HS2ST1: variants seen among roughly 807,000 people sequenced by gnomAD.
HS2ST1 encodes 2-O-sulfotransferase.
A neutral mutation model predicts 42.9 loss-of-function variants in HS2ST1; 18 were observed. That is an observed-to-expected ratio of 0.42 (90% CI 0.29 to 0.62). The LOEUF (loss-of-function observed/expected upper bound fraction) is 0.62, where lower values mean the gene tolerates loss of function less well. Among genes scored for constraint, HS2ST1 ranks in the 20% least tolerant of loss-of-function variants. The pLI, the probability that HS2ST1 is intolerant of heterozygous loss-of-function variation, is 0.21. For missense variants in HS2ST1, 334 were observed against 433.8 expected (o/e 0.77, Z 2.04); for synonymous variants, 146 against 152.9 (o/e 0.95, Z 0.33).
At position 87,064,863 on chromosome 1, in the gene HS2ST1, G is replaced by A. The variant is rs558268050; in HGVS notation, c.125-8071G>A. 1.5e-4 allele frequency among the ~76,000 whole-genome samples: 23 copies of A among 152,222 alleles called. No individual in the cohort carries two copies. In the East Asian group the frequency reaches 1.7e-3, roughly 12 times the overall value. On this transcript the variant is annotated intron_variant, in intron 1 of 6. Coordinates refer to ENST00000370550, the MANE Select transcript of HS2ST1 (RefSeq NM_012262.4). ...TTTTTAGTAGAGACAAGGTGTTGCC[G>A]TGTTGCTCAGGCTGGTCTTGAACTC...
chr1:86,964,192 G>A (rs1447470439), intron 1 of HS2ST1, among the ~76,000 whole-genome samples: 3 of 151,456 alleles, frequency 2.0e-5, no homozygotes, highest in East Asian at 2.0e-4. Context: ...CTTCCCAGAC[G>A]ATGGGCGGCC....
intron 1 of HS2ST1, among the ~76,000 whole-genome samples, chr1:87,037,869 A>G (rs888785647): frequency 6.6e-6 from 1 of 151,988 alleles, no homozygotes; most frequent in African/African-American, 2.4e-5. Context: ...GCATATATCT[A>G]TAATATATCT....
At chr1:87,006,755 T>A (rs535620618) in intron 1 of HS2ST1, among the ~76,000 whole-genome samples, 4 of 152,238 alleles carry the variant, frequency 2.6e-5, no homozygotes, top group Non-Finnish European at 5.9e-5. Flanking sequence ...AATATAAACA[T>A]GCTATGATTA....
chr1:86,984,820 C>T (rs542326774), intron 1 of HS2ST1, among the ~76,000 whole-genome samples: 25 of 148,444 alleles, frequency 1.7e-4, no homozygotes, highest in South Asian at 4.3e-4. Flanking sequence ...GAGGCTGAGG[C>T]GGGAGAACCT....
Position 87,107,484 on chromosome 1 carries a change from CAAT to C in HS2ST1, c.*2792_*2794del, listed in dbSNP as rs529033727. 183 of 151,836 alleles carry C rather than the reference CAAT, an allele frequency of 1.2e-3. 1 individual carries two copies. The highest frequency in any genetic ancestry group is 4.1e-3 in the African/African-American group (172 of 41,468). 9.4% of individuals were successfully genotyped at this position (151,836 alleles called of 1,614,324 possible). A position where few individuals can be genotyped will look rare whatever the true frequency, so the allele number is the denominator to read the frequency against. ...AATTAAATAAATAGAACCACTGAGA[CAAT>C]AATGTATTTTTTTAAAGTGGCAAAT... On this transcript the variant is annotated 3_prime_UTR_variant, in exon 7 of 7. Transcript: ENST00000370550.
intron 1 of HS2ST1, among the ~76,000 whole-genome samples, chr1:87,016,161 G>A: frequency 6.6e-6 from 1 of 152,130 alleles, no homozygotes; most frequent in Non-Finnish European, 1.5e-5. Context: ...GTGTTGTTGT[G>A]TGTTTGCTTG....
chr1:86,992,101 G>T (rs968704372), intron 1 of HS2ST1, among the ~76,000 whole-genome samples: 2 of 151,840 alleles, frequency 1.3e-5, no homozygotes, highest in African/African-American at 4.8e-5. Context: ...AGGGATCTAG[G>T]TTCCACTCTT....
intron 1 of HS2ST1, among the ~76,000 whole-genome samples, chr1:86,974,601 G>T (rs1648339032): frequency 6.6e-6 from 1 of 152,174 alleles, no homozygotes. Context: ...CTTGGAACTG[G>T]CATCTGAAGT....
At chr1:87,024,675 A>G (rs368287442) in intron 1 of HS2ST1, among the ~76,000 whole-genome samples, 8 of 152,168 alleles carry the variant, frequency 5.3e-5, no homozygotes, top group African/African-American at 1.9e-4. Flanking sequence ...GGATTGAGAA[A>G]AGGTAAAGTA....
Position 86,960,963 on chromosome 1 carries a change from CCGATACATGT to C in HS2ST1, c.124+45804_124+45813del, listed in dbSNP as rs566252089. Among the ~76,000 whole-genome samples the C allele has an allele frequency of 1.9e-3, 290 of 152,206 alleles. 11 individuals carry two copies. In the South Asian group the frequency reaches 0.045, roughly 24 times the overall value. On this transcript the variant is annotated intron_variant, in intron 1 of 6. Coordinates refer to ENST00000370550, the MANE Select transcript of HS2ST1 (RefSeq NM_012262.4). ...AACTTTAAGTCCACATAAAAATCTG[CCGATACATGT>C]TTGTAGCAACTTTATTTGTAATTGC... is the stretch of plus-strand genomic sequence containing the variant.
At chr1:87,016,099 G>A (rs1437491904) in intron 1 of HS2ST1, among the ~76,000 whole-genome samples, 5 of 152,212 alleles carry the variant, frequency 3.3e-5, no homozygotes, top group African/African-American at 1.2e-4. Flanking sequence ...ACAGGTGTGA[G>A]CCGCTGTGCC....
chr1:87,068,784 A>G (rs1651320032), intron 1 of HS2ST1, among the ~76,000 whole-genome samples: 2 of 152,254 alleles, frequency 1.3e-5, no homozygotes, highest in Non-Finnish European at 2.9e-5. Context: ...TATTCTTACA[A>G]TAAAGTAAAC....
At chr1:86,927,649 C>T (rs558374951) in intron 1 of HS2ST1, among the ~76,000 whole-genome samples, 43 of 152,126 alleles carry the variant, frequency 2.8e-4, no homozygotes, top group African/African-American at 1.0e-3. Context: ...CAGATGATGT[C>T]AGTTGGGAAA....
At chr1:87,049,143 C>T (rs1335790726) in intron 1 of HS2ST1, among the ~76,000 whole-genome samples, 1 of 151,860 alleles carries the variant, frequency 6.6e-6, no homozygotes, top group Non-Finnish European at 1.5e-5. Flanking sequence ...TATCTGTGAG[C>T]TTCGTTAATT....
intron 1 of HS2ST1, among the ~76,000 whole-genome samples, chr1:87,031,839 G>T (rs1032208805): frequency 1.3e-5 from 2 of 152,154 alleles, no homozygotes; most frequent in Admixed American, 1.3e-4. Context: ...AATTTGGAAG[G>T]TTAAAAATGT....
chr1:86,978,987 A>T (rs541941943), intron 1 of HS2ST1, among the ~76,000 whole-genome samples: 1 of 144,688 alleles, frequency 6.9e-6, no homozygotes, highest in East Asian at 2.1e-4. Flanking sequence ...TCAGCACCCC[A>T]AGTAGCTGGG....
At chr1:87,004,093 ATAT>A (rs1260727624) in intron 1 of HS2ST1, among the ~76,000 whole-genome samples, 1 of 152,232 alleles carries the variant, frequency 6.6e-6, no homozygotes, top group Non-Finnish European at 1.5e-5. Context: ...GATTCAAAAA[ATAT>A]TTACTGAATA....
At chr1:87,051,040 A>G (rs1254069050) in intron 1 of HS2ST1, among the ~76,000 whole-genome samples, 1 of 152,142 alleles carries the variant, frequency 6.6e-6, no homozygotes, top group African/African-American at 2.4e-5. Context: ...TAGATTGTGG[A>G]GTGAAGAACT....
intron 1 of HS2ST1, among the ~76,000 whole-genome samples, chr1:87,021,614 A>G (rs1649955388): frequency 6.6e-6 from 1 of 152,180 alleles, no homozygotes; most frequent in South Asian, 2.1e-4. Flanking sequence ...TTCCGGGCTC[A>G]AGGGATCCTC....
Sources: gnomAD v4.1 joint callset for allele counts (sites outside exome capture counted in the v4.1 genomes callset) on GRCh38, gnomAD v4.1.1 for gene constraint, MANE v1.5 for transcripts, NCBI Gene and HGNC (gene_info 2026-07-23, HGNC 2026-07-21) for gene names.